The following NUP205 variants were observed in gnomAD, a reference collection of about 807,000 sequenced individuals.
NUP205 encodes nuclear pore complex protein Nup205.
NUP205 carries 76 observed loss-of-function variants against 253.8 expected under a neutral mutation model. The ratio of observed to expected loss-of-function variants is 0.30; its 90% CI spans 0.25 to 0.36. The LOEUF is 0.36. NUP205 is among the 10% of genes least tolerant of loss of function. NUP205 has a pLI of 1.00. For missense variants in NUP205, 2,162 were observed against 2,425.5 expected (o/e 0.89, Z 2.28); for synonymous variants, 832 against 850.1 (o/e 0.98, Z 0.37).
intron 32 of NUP205, 123 bp downstream of exon 32, chr7:135,625,478 T>G (rs1396774285): frequency 1.5e-5 from 11 of 729,162 alleles, no homozygotes; most frequent in Non-Finnish European, 2.3e-5. Context: ...GAATCCTTTT[T>G]TAAGGAGTTT....
At chr7:135,564,623 T>C (rs1805695755) in intron 1 of NUP205, among the ~76,000 whole-genome samples, 1 of 151,786 alleles carries the variant, frequency 6.6e-6, no homozygotes, top group African/African-American at 2.4e-5. Flanking sequence ...TTAAGCTCCT[T>C]GAACCTTGCT....
intron 12 of NUP205, among the ~76,000 whole-genome samples, chr7:135,593,674 T>C (rs939548933): frequency 6.6e-6 from 1 of 152,240 alleles, no homozygotes; most frequent in African/African-American, 2.4e-5. Context: ...AAATATCTTT[T>C]AGTTATGTCT....
chr7:135,584,576 A>AT (rs1350472706), intron 7 of NUP205, among the ~76,000 whole-genome samples: 1 of 152,182 alleles, frequency 6.6e-6, no homozygotes, highest in Non-Finnish European at 1.5e-5. Context: ...CTCTAAAATA[A>AT]TTTTCATTAG....
At chr7:135,601,677 A>G (rs1793967666) in intron 17 of NUP205, among the ~76,000 whole-genome samples, 170 bp downstream of exon 17, 1 of 152,248 alleles carries the variant, frequency 6.6e-6, no homozygotes, top group Admixed American at 6.5e-5. Context: ...TATTGTAAGT[A>G]AAAACAGACT....
intron 30 of NUP205, among the ~76,000 whole-genome samples, chr7:135,622,098 T>A (rs1237853703): frequency 6.7e-6 from 1 of 149,804 alleles, no homozygotes; most frequent in Non-Finnish European, 1.5e-5. Flanking sequence ...CCACCACGCC[T>A]GGCAATTTTA....
At chr7:135,580,209 G>A (rs1044956222) in intron 7 of NUP205, among the ~76,000 whole-genome samples, 1 of 152,124 alleles carries the variant, frequency 6.6e-6, no homozygotes, top group Non-Finnish European at 1.5e-5. Flanking sequence ...AGAACATTTT[G>A]TTTTCACTAG....
At chr7:135,597,173 C>T in intron 13 of NUP205, 195 bp from the exon 14 acceptor site, 2 of 489,852 alleles carry the variant, frequency 4.1e-6, no homozygotes, top group Non-Finnish European at 7.3e-6. Context: ...GAACCCCAGA[C>T]AGTCAAAAGT....
intron 22 of NUP205, among the ~76,000 whole-genome samples, chr7:135,611,708 T>C (rs889102199): frequency 6.6e-6 from 1 of 152,226 alleles, no homozygotes; most frequent in African/African-American, 2.4e-5. Flanking sequence ...CGTTATGCCA[T>C]GTGCCTGTTA....
chr7:135,606,282 A>G lies in NUP205; in HGVS notation c.2905+56A>G. On this transcript the variant is annotated intron_variant, in intron 20 of 42. Coordinates refer to ENST00000285968, the MANE Select transcript of NUP205 (RefSeq NM_015135.3). ...TTCTTTTACTTTTTATATATGCTTA[A>G]TTTAAAGAAAACACTTGTAATTGTT... 9.0e-6 allele frequency: 10 copies of G among 1,106,200 alleles called. No homozygotes were observed. In the South Asian group the frequency reaches 1.3e-4, roughly 14 times the overall value. The allele number at this position is 1,106,200 out of a possible 1,614,324, so 68.5% of individuals were successfully genotyped here. A position where few individuals can be genotyped will look rare whatever the true frequency, so the allele number is the denominator to read the frequency against.
chr7:135,630,351 A>T lies in NUP205; in HGVS notation c.4940A>T (p.Gln1647Leu). The change falls in exon 35 of 43, where the codon CAG becomes CTG. Residue 1647 changes from glutamine to leucine, a missense_variant. By Grantham distance (113) the Gln-to-Leu change is moderately radical. This residue lies in a region of NUP205 where 1,144 missense variants were observed against 1,280.9 expected (regional missense o/e 0.89). Coordinates refer to ENST00000285968, the MANE Select transcript of NUP205 (RefSeq NM_015135.3). ...TCCTTTTCAATGGCTTAGGTATTGC[A>T]GTTTCTTATTTCACATTCTGATACC... ...QHLQAAGQVL[Q>L]FLISHSDTIQ... 1 of 1,585,434 alleles carries T rather than the reference A, an allele frequency of 6.3e-7. No homozygotes were observed. The highest frequency in any genetic ancestry group is 1.2e-5 in the South Asian group (1 of 85,764).
intron 1 of NUP205, among the ~76,000 whole-genome samples, chr7:135,570,048 T>TAGAG (rs1427743388): frequency 1.7e-3 from 168 of 99,742 alleles, no homozygotes; most frequent in Middle Eastern, 5.2e-3. Context: ...TATATATATA[T>TAGAG]ATATAGAGAG....
Position 135,632,824 on chromosome 7 carries a change from T to C in NUP205, c.5059+2354T>C, listed in dbSNP as rs141185824. ...CCAGGACTTAACTAATTACTCTCAA[T>C]GTACTTCTGTAAATTGCAGGGTCTC... On this transcript the variant is annotated intron_variant, in intron 35 of 42. Coordinates refer to ENST00000285968, the MANE Select transcript of NUP205 (RefSeq NM_015135.3). Among the ~76,000 whole-genome samples the C allele has an allele frequency of 4.9e-3, 751 of 152,322 alleles. 18 individuals are homozygous for C. The highest frequency in any genetic ancestry group is 0.046 in the Admixed American group (698 of 15,302).
intron 20 of NUP205, 73 bp downstream of exon 20, chr7:135,606,299 G>C: frequency 1.0e-6 from 1 of 984,244 alleles, no homozygotes; most frequent in Non-Finnish European, 1.6e-6. Context: ...GAAAACACTT[G>C]TAATTGTTAA....
Position 135,648,485 on chromosome 7 carries a change from C to T in NUP205, c.5968C>T (p.Arg1990Ter), listed in dbSNP as rs1224018943. The change falls in exon 43 of 43, where the codon CGA becomes TGA. Residue 1990 changes from arginine (R) to a stop codon, truncating the protein, a stop_gained. Coordinates refer to ENST00000285968, the MANE Select transcript of NUP205 (RefSeq NM_015135.3). LOFTEE classifies it high-confidence loss of function. ...LDIEGLYSKVRSRYSFIQALV... is the reference protein window; with the variant it reads ...LDIEGLYSKV The stretch of plus-strand genomic sequence containing the variant: ...CATTGAAGGATTATATTCAAAAGTT[C>T]GATCTCGATATAGTTTCATACAGGC... 9 of 1,607,250 alleles carry T rather than the reference C, an allele frequency of 5.6e-6. No individual in the cohort carries two copies. Among genetic ancestry groups the T allele is most frequent in the Middle Eastern group, 1.6e-4 (1 of 6,068 alleles).
chr7:135,589,875 GCTACTA>G (rs1405922869), intron 10 of NUP205, among the ~76,000 whole-genome samples: 5 of 151,068 alleles, frequency 3.3e-5, no homozygotes, highest in Non-Finnish European at 7.4e-5. Flanking sequence ...CTGTGATTGT[GCTACTA>G]CATTCCAGCC....
In NUP205 at chr7:135,584,966, C is replaced by G. The variant is rs1584651173; in HGVS notation, c.1177C>G (p.His393Asp). 9.3e-6 allele frequency: 15 copies of G among 1,613,542 alleles called. No homozygotes were observed. The East Asian group carries it at 3.3e-4, about 36-fold the overall frequency. ...GGAAGAATTTTATATTCGCAGAGTC[C>G]ATAATCTCATCACAGATTTCCTTGC... ...YQEEFYIRRV[H>D]NLITDFLALM... Residue 393 changes from histidine to aspartate, a missense_variant, in exon 8 of 43, where the codon CAT (histidine) becomes GAT (aspartate). Transcript: ENST00000285968.
intron 38 of NUP205, among the ~76,000 whole-genome samples, chr7:135,640,566 TCTC>T (rs1384908162): frequency 2.6e-5 from 4 of 152,202 alleles, no homozygotes; most frequent in African/African-American, 7.2e-5. Flanking sequence ...ATCTCTGCCT[TCTC>T]CTACCAGTGT....
chr7:135,563,592 G>T (rs1055526425), intron 1 of NUP205, among the ~76,000 whole-genome samples: 1 of 152,122 alleles, frequency 6.6e-6, no homozygotes, highest in Admixed American at 6.6e-5. Flanking sequence ...GTGATTTGCT[G>T]GAGGTATCCC....
intron 11 of NUP205, 130 bp downstream of exon 11, chr7:135,591,730 G>T: frequency 2.7e-6 from 2 of 752,380 alleles, no homozygotes; most frequent in East Asian, 2.7e-5. Context: ...CATAACAATA[G>T]GGTGAAGGAA....
Sources: gnomAD v4.1 joint callset for allele counts (sites outside exome capture counted in the v4.1 genomes callset) on GRCh38, gnomAD v4.1.1 for gene constraint, gnomAD v4.1.1 regional missense constraint, MANE v1.5 for transcripts, NCBI Gene and HGNC (gene_info 2026-07-23, HGNC 2026-07-21) for gene names.